RNF212: variants seen among roughly 807,000 people sequenced by gnomAD.
RNF212 encodes ring finger protein 212.
A neutral mutation model predicts 34.7 loss-of-function variants in RNF212; 33 were observed. The observed-to-expected ratio is 0.95, with a 90% confidence interval of 0.72 to 1.27. RNF212 has a LOEUF of 1.27. Among genes scored for constraint, RNF212 ranks in the 50% most tolerant of loss-of-function variants. The pLI, the probability that RNF212 is intolerant of heterozygous loss-of-function variation, is 0.00. For missense variants in RNF212, 377 were observed against 362.2 expected, an observed-to-expected ratio of 1.04 and a Z score of -0.33; for synonymous variants, 140 against 136.1, an observed-to-expected ratio of 1.03 and a Z score of -0.20.
intron 3 of RNF212, among the ~76,000 whole-genome samples, chr4:1,061,997 C>T (rs1344712670): frequency 6.6e-6 from 1 of 152,130 alleles, no homozygotes; most frequent in African/African-American, 2.4e-5. Flanking sequence ...GACTCCAGAG[C>T]GGCTACCGTA....
chr4:1,081,357 A>G (rs961397354), intron 7 of RNF212, 62 bp downstream of exon 7: 5 of 1,436,726 alleles, frequency 3.5e-6, no homozygotes, highest in Non-Finnish European at 4.9e-6. Context: ...TTGGGATGGG[A>G]AGGCAGGTGC....
At chr4:1,112,123 C>T (rs1223283559) in intron 1 of RNF212, among the ~76,000 whole-genome samples, 1 of 152,188 alleles carries the variant, frequency 6.6e-6, no homozygotes, top group Non-Finnish European at 1.5e-5. Context: ...AGGAGAATCA[C>T]TTGAGCCTGG....
intron 8 of RNF212, among the ~76,000 whole-genome samples, chr4:1,076,165 C>T (rs893730116): frequency 6.6e-6 from 1 of 152,218 alleles, no homozygotes; most frequent in Non-Finnish European, 1.5e-5. Context: ...CATGTGAAGG[C>T]AGACTCTCCC....
chr4:1,073,244 G>A (rs9992322), intron 9 of RNF212, 51 bp from the exon 10 acceptor site: 166,434 of 1,592,064 alleles, frequency 0.1, 12,017 homozygotes, highest in African/African-American at 0.38. Flanking sequence ...TGTGTGGGCT[G>A]AGGTGGATGT....
At position 1,079,707 on chromosome 4, in the gene RNF212, A is replaced by G; in HGVS notation, c.465-19T>C. On this transcript the variant is annotated intron_variant, in intron 7 of 9. Coordinates refer to ENST00000433731, the MANE Select transcript of RNF212 (RefSeq NM_001131034.4). ...CTCCAGTCTGTTAAACACATAGTGA[A>G]AGGCTTTGAGTGAGCCCAGGACTTA... 1 of 1,601,002 alleles carries G rather than the reference A, an allele frequency of 6.2e-7. No homozygotes were observed. The highest frequency in any genetic ancestry group is 8.6e-7 in the Non-Finnish European group (1 of 1,168,080).
At chr4:1,074,857 G>C (rs1719021586) in intron 8 of RNF212, among the ~76,000 whole-genome samples, 1 of 152,142 alleles carries the variant, frequency 6.6e-6, no homozygotes, top group Admixed American at 6.5e-5. Flanking sequence ...ATCAGGACAG[G>C]CTCCAGGTAC....
In RNF212 at chr4:1,113,373, T is replaced by A; in HGVS notation, c.92A>T (p.Asp31Val). Residue 31 changes from aspartate (D) to valine (V), a missense_variant, in exon 1 of 10, where the codon GAC (aspartate) becomes GTC (valine). Coordinates refer to ENST00000433731, the MANE Select transcript of RNF212 (RefSeq NM_001131034.4). ...GCCCTGACCTTTGCCGAGGCAGGCG[T>A]CGCAGTACACGTGCCCGCAGTTGGT... ...SLTNCGHVYCDACLGKGKKNE... is the reference protein window; with the variant it reads ...SLTNCGHVYCVACLGKGKKNE... The A allele has an allele frequency of 6.7e-7, 1 of 1,488,820 alleles. No individual in the cohort carries two copies. Among genetic ancestry groups the A allele is most frequent in the Non-Finnish European group, 9.0e-7 (1 of 1,109,558 alleles). 92.2% of individuals were successfully genotyped at this position (1,488,820 alleles called of 1,614,324 possible).
chr4:1,095,933 C>G, intron 3 of RNF212, among the ~76,000 whole-genome samples: 1 of 79,950 alleles, frequency 1.3e-5, no homozygotes, highest in African/African-American at 8.8e-5. Context: ...CCTCCCACAG[C>G]TCCATGGTCT....
At chr4:1,106,807 TA>T (rs910872529) in intron 2 of RNF212, among the ~76,000 whole-genome samples, 4 of 152,242 alleles carry the variant, frequency 2.6e-5, no homozygotes, top group Non-Finnish European at 5.9e-5. Context: ...GAAAAGAAAG[TA>T]TTTTCTGTTA....
intron 7 of RNF212, among the ~76,000 whole-genome samples, chr4:1,081,148 A>G (rs1361473769): frequency 1.3e-5 from 2 of 152,246 alleles, no homozygotes; most frequent in African/African-American, 4.8e-5. Context: ...AGCGGGGGGC[A>G]CGCAGAACAC....
At chr4:1,063,392 G>A (rs779549423) in intron 3 of RNF212, among the ~76,000 whole-genome samples, 37 of 152,166 alleles carry the variant, frequency 2.4e-4, no homozygotes, top group African/African-American at 3.9e-4. Flanking sequence ...AGGACAATAC[G>A]ATTAACAGCT....
At chr4:1,061,682 A>ACC (rs146522961) in intron 3 of RNF212, among the ~76,000 whole-genome samples, 2,267 of 152,312 alleles carry the variant, frequency 0.015, 59 homozygotes, top group African/African-American at 0.052. Flanking sequence ...ACAGGCGGAC[A>ACC]CCCCGGGACA....
intron 8 of RNF212, among the ~76,000 whole-genome samples, chr4:1,078,123 C>T (rs887627384): frequency 6.6e-6 from 1 of 152,190 alleles, no homozygotes; most frequent in African/African-American, 2.4e-5. Context: ...GAGTTCATAT[C>T]TATAAAGGGC....
chr4:1,099,638 C>A (rs1300761755), intron 2 of RNF212: 9 of 428,372 alleles, frequency 2.1e-5, no homozygotes, highest in South Asian at 1.3e-4. Flanking sequence ...CGAATGTTTT[C>A]TTTTCGTATT....
intron 1 of RNF212, among the ~76,000 whole-genome samples, chr4:1,109,344 T>A (rs890094568): frequency 2.0e-5 from 3 of 152,134 alleles, no homozygotes; most frequent in Non-Finnish European, 4.4e-5. Context: ...TAATCTAAAA[T>A]TTTTAACTAT....
intron 8 of RNF212, among the ~76,000 whole-genome samples, chr4:1,073,923 T>C (rs1481828408): frequency 6.6e-6 from 1 of 151,990 alleles, no homozygotes; most frequent in Non-Finnish European, 1.5e-5. Context: ...AGTGAACGGA[T>C]AAAGGGCTCT....
rs575534808 is a variant in RNF212, at chr4:1,081,500, G to C, written c.416-33C>G. Reference sequence around the variant, plus strand: ...AGTGATGACGAAAATGCCAGCGTCAGTGCACACAGTGTGACTCAGCAACAT... The same window carrying C: ...AGTGATGACGAAAATGCCAGCGTCACTGCACACAGTGTGACTCAGCAACAT... On this transcript the variant is annotated intron_variant, in intron 6 of 9. Coordinates refer to ENST00000433731, the MANE Select transcript of RNF212 (RefSeq NM_001131034.4). 3 of 1,611,522 alleles carry C rather than the reference G, an allele frequency of 1.9e-6. No homozygotes were observed. The South Asian group carries it at 3.3e-5, about 18-fold the overall frequency.
At chr4:1,073,832 G>A (rs1664887435) in intron 8 of RNF212, 170 bp from the exon 9 acceptor site, 1 of 628,052 alleles carries the variant, frequency 1.6e-6, no homozygotes, top group Admixed American at 2.3e-5. Flanking sequence ...TCCCGACTCT[G>A]CCTGCTGGTG....
intron 4 of RNF212, among the ~76,000 whole-genome samples, chr4:1,088,686 G>A (rs1721719072): frequency 6.6e-6 from 1 of 152,228 alleles, no homozygotes; most frequent in Admixed American, 6.5e-5. Flanking sequence ...GAGAAAAAAA[G>A]TAGTTTTATG....
Sources: gnomAD v4.1 joint callset for allele counts (sites outside exome capture counted in the v4.1 genomes callset) on GRCh38, gnomAD v4.1.1 for gene constraint, MANE v1.5 for transcripts, NCBI Gene and HGNC (gene_info 2026-07-23, HGNC 2026-07-21) for gene names.